The following MACROD2 variants were observed in gnomAD, a reference collection of about 807,000 sequenced individuals.
The protein encoded by MACROD2 is mono-ADP ribosylhydrolase 2.
A neutral mutation model predicts 70.4 loss-of-function variants in MACROD2; 36 were observed. That is an observed-to-expected ratio of 0.51 (90% CI 0.39 to 0.68). The LOEUF (loss-of-function observed/expected upper bound fraction) is 0.68, where lower values mean the gene tolerates loss of function less well. Ranked by LOEUF, MACROD2 falls within the 30% of genes least tolerant of loss-of-function variation. The probability of loss-of-function intolerance (pLI) is 0.00; values close to 1 mark genes in which losing one functional copy is unlikely to be tolerated. For synonymous variants in MACROD2, 172 were observed against 178.8 expected (o/e 0.96, Z 0.30); for missense variants, 496 against 538.4 (o/e 0.92, Z 0.78).
At chr20:14,383,037 C>T (rs912077477) in intron 3 of MACROD2, among the ~76,000 whole-genome samples, 4 of 152,188 alleles carry the variant, frequency 2.6e-5, no homozygotes, top group African/African-American at 9.7e-5. Flanking sequence ...GGGAACACTG[C>T]CCTAACGCTA....
At chr20:14,528,873 A>G (rs1219768715) in intron 4 of MACROD2, among the ~76,000 whole-genome samples, 1 of 152,066 alleles carries the variant, frequency 6.6e-6, no homozygotes, top group Non-Finnish European at 1.5e-5. Flanking sequence ...TGACCCCTCT[A>G]CCCACCCTAT....
intron 3 of MACROD2, among the ~76,000 whole-genome samples, chr20:14,193,602 G>C (rs1569200339): frequency 6.6e-6 from 1 of 152,184 alleles, no homozygotes; most frequent in African/African-American, 2.4e-5. Flanking sequence ...ATGGGAAGAA[G>C]TAGTGTTGCC....
chr20:14,421,889 C>G (rs1182463088), intron 3 of MACROD2, among the ~76,000 whole-genome samples: 3 of 151,964 alleles, frequency 2.0e-5, no homozygotes, highest in Non-Finnish European at 2.9e-5. Flanking sequence ...ATAGAGTATT[C>G]TGTATATGTG....
intron 3 of MACROD2, among the ~76,000 whole-genome samples, chr20:14,246,917 G>A (rs780094496): frequency 8.6e-5 from 13 of 152,030 alleles, no homozygotes; most frequent in Non-Finnish European, 1.6e-4. Flanking sequence ...CATTTCCATG[G>A]CAACCAGGGT....
At chr20:15,233,854 C>G (rs1259519602) in intron 6 of MACROD2, among the ~76,000 whole-genome samples, 1 of 149,470 alleles carries the variant, frequency 6.7e-6, no homozygotes, top group Non-Finnish European at 1.5e-5. Flanking sequence ...TTTCATGCCT[C>G]CTAGACCTAG....
rs561533677 is a variant in MACROD2, at chr20:15,359,613, T to A, written c.541-71792T>A. On this transcript the variant is annotated intron_variant, in intron 6 of 17. Coordinates refer to ENST00000684519, the MANE Select transcript of MACROD2 (RefSeq NM_001351661.2). ...AAGATTTTAGGTCAAGTTATAGTTA[T>A]CCAAAGACTATATAAATCATATATA... Among the ~76,000 whole-genome samples, 265 of 152,098 alleles carry A rather than the reference T, an allele frequency of 1.7e-3. 3 individuals carry two copies. Among genetic ancestry groups the A allele is most frequent in the Non-Finnish European group, 7.8e-4 (53 of 67,950 alleles).
intron 5 of MACROD2, among the ~76,000 whole-genome samples, chr20:15,109,471 A>C (rs184447732): frequency 3.2e-4 from 49 of 152,258 alleles, no homozygotes; most frequent in African/African-American, 1.2e-3. Flanking sequence ...AATGTGGAAG[A>C]GGTAGGAAGC....
chr20:15,909,765 C>T (rs547531978), intron 10 of MACROD2, among the ~76,000 whole-genome samples: 7 of 152,070 alleles, frequency 4.6e-5, no homozygotes, highest in Admixed American at 1.3e-4. Flanking sequence ...CCTCGTGATC[C>T]GCCCGCCTCA....
At chr20:14,036,496 A>C (rs967586900) in intron 2 of MACROD2, among the ~76,000 whole-genome samples, 1 of 152,120 alleles carries the variant, frequency 6.6e-6, no homozygotes, top group Non-Finnish European at 1.5e-5. Context: ...TTCTGAAGAG[A>C]GATGTTATAT....
At chr20:14,808,427 G>A (rs973775081) in intron 5 of MACROD2, among the ~76,000 whole-genome samples, 4 of 152,006 alleles carry the variant, frequency 2.6e-5, no homozygotes, top group Non-Finnish European at 4.4e-5. Context: ...AAGAGCTCCT[G>A]AAGGAAGCAC....
At chr20:14,722,248 C>T (rs894808284) in intron 5 of MACROD2, among the ~76,000 whole-genome samples, 9 of 152,170 alleles carry the variant, frequency 5.9e-5, no homozygotes, top group African/African-American at 1.9e-4. Context: ...CCACTTTGGC[C>T]TCAGAAAGTC....
At chr20:14,539,718 G>A (rs1023739774) in intron 4 of MACROD2, among the ~76,000 whole-genome samples, 1 of 152,186 alleles carries the variant, frequency 6.6e-6, no homozygotes, top group African/African-American at 2.4e-5. Context: ...GATAAGCACT[G>A]ATAACTCAAA....
chr20:15,078,403 G>A (rs776154351), intron 5 of MACROD2, among the ~76,000 whole-genome samples: 4 of 152,148 alleles, frequency 2.6e-5, no homozygotes, highest in Non-Finnish European at 4.4e-5. Context: ...TGAAAGGCCA[G>A]GTATTGTTAT....
At chr20:14,473,547 T>C (rs528893254) in intron 3 of MACROD2, among the ~76,000 whole-genome samples, 1 of 152,344 alleles carries the variant, frequency 6.6e-6, no homozygotes, top group East Asian at 1.9e-4. Context: ...TCTGTTCATA[T>C]GTTGATAGAC....
At position 14,530,258 on chromosome 20, in the gene MACROD2, T is replaced by C. The variant is rs144555984; in HGVS notation, c.301+36750T>C. Among the ~76,000 whole-genome samples, 1,420 of 152,216 alleles carry C rather than the reference T, an allele frequency of 9.3e-3. 25 individuals are homozygous for C. The highest frequency in any genetic ancestry group is 0.032 in the African/African-American group (1,331 of 41,534). ...GCTTTCAGGCAAAGACATACAGATA[T>C]TGGAAGCTAAAAGTCCCAGGGAACT... On this transcript the variant is annotated intron_variant, in intron 4 of 17. Transcript: ENST00000684519.
chr20:14,445,181 A>C (rs1001436059), intron 3 of MACROD2, among the ~76,000 whole-genome samples: 1 of 152,016 alleles, frequency 6.6e-6, no homozygotes, highest in African/African-American at 2.4e-5. Flanking sequence ...TCCCTGGTTC[A>C]TCCTGCCCCA....
intron 6 of MACROD2, among the ~76,000 whole-genome samples, chr20:15,325,177 G>C (rs1440791033): frequency 2.0e-5 from 3 of 152,098 alleles, no homozygotes; most frequent in African/African-American, 7.2e-5. Flanking sequence ...ATTGGTCCTT[G>C]TTGTCAATAG....
intron 4 of MACROD2, among the ~76,000 whole-genome samples, chr20:14,655,624 T>G (rs1985934438): frequency 6.6e-6 from 1 of 152,200 alleles, no homozygotes. Flanking sequence ...GTTTTTAACT[T>G]TCTACAAATA....
At chr20:14,328,872 T>C (rs1325465525) in intron 3 of MACROD2, 1 of 152,092 alleles carries the variant, frequency 6.6e-6, no homozygotes, top group Non-Finnish European at 1.5e-5. Context: ...TTTTTTTTCT[T>C]TCTGATAGAG....
Sources: allele counts gnomAD v4.1 joint callset (sites outside exome capture counted in the v4.1 genomes callset), GRCh38; gene constraint gnomAD v4.1.1; transcripts MANE v1.5; gene names NCBI Gene and HGNC (gene_info 2026-07-23, HGNC 2026-07-21).